SREBF2: variants seen among roughly 807,000 people sequenced by gnomAD.
The protein encoded by SREBF2 is sterol regulatory element-binding protein 2.
A neutral mutation model predicts 113.1 loss-of-function variants in SREBF2; 55 were observed. The observed-to-expected ratio is 0.49, with a 90% CI of 0.39 to 0.61. The LOEUF (loss-of-function observed/expected upper bound fraction) is 0.61, where lower values mean the gene tolerates loss of function less well. SREBF2 is among the 20% of genes least tolerant of loss of function. The pLI is 0.00. For synonymous variants in SREBF2, 593 were observed against 605.7 expected, an observed-to-expected ratio of 0.98 and a Z score of 0.31; for missense variants, 1,349 against 1,487.4, an observed-to-expected ratio of 0.91 and a Z score of 1.53.
chr22:41,854,547 A>G (rs553931892), intron 1 of SREBF2, among the ~76,000 whole-genome samples: 4 of 150,964 alleles, frequency 2.6e-5, no homozygotes, highest in Non-Finnish European at 4.4e-5. Flanking sequence ...CATAGAACAC[A>G]AGACATAAGA....
intron 1 of SREBF2, among the ~76,000 whole-genome samples, chr22:41,846,856 G>C (rs1357302521): frequency 6.6e-6 from 1 of 152,150 alleles, no homozygotes; most frequent in Non-Finnish European, 1.5e-5. Context: ...GCACTTGTCT[G>C]TTCTTGCCCT....
Position 41,878,028 on chromosome 22 carries a change from C to T in SREBF2, c.1666C>T (p.Leu556=). Residue 556 remains leucine (L), a synonymous_variant, in exon 9 of 19, where the codon CTG becomes TTG. Coordinates refer to ENST00000361204, the MANE Select transcript of SREBF2 (RefSeq NM_004599.4). ...GATTGTCCTGAGCGTCTTTGTGAAG[C>T]TGCTGGTTCATGGGGAGCCAGTGAT... The part of the protein sequence containing the change: ...GVIVLSVFVK[L]LVHGEPVIRP... 1 of 1,614,142 alleles carries T rather than the reference C, an allele frequency of 6.2e-7. No homozygotes were observed. Among genetic ancestry groups the T allele is most frequent in the Non-Finnish European group, 8.5e-7 (1 of 1,180,038 alleles).
intron 8 of SREBF2, among the ~76,000 whole-genome samples, 171 bp downstream of exon 8, chr22:41,877,592 C>T (rs979296129): frequency 2.0e-5 from 3 of 152,164 alleles, no homozygotes; most frequent in Non-Finnish European, 2.9e-5. Flanking sequence ...TTAGAAGTAA[C>T]AAGGCAAGCC....
Position 41,833,411 on chromosome 22 carries a change from C to A in SREBF2, c.88+53C>A. ...GGGCCGCGCGGGGAGGAAGGGGTTA[C>A]GGCGGCGCGCCCGGGTGCGCGTGCG... is the stretch of plus-strand genomic sequence containing the variant. On this transcript the variant is annotated intron_variant, in intron 1 of 18. Coordinates refer to ENST00000361204, the MANE Select transcript of SREBF2 (RefSeq NM_004599.4). The surrounding 1 kb of genome is among the most constrained non-coding windows in gnomAD (Gnocchi z 4.1). The A allele has an allele frequency of 6.8e-7, 1 of 1,476,896 alleles. No individual in the cohort carries two copies. The highest frequency in any genetic ancestry group is 2.7e-5 in the East Asian group (1 of 37,468). The allele number at this position is 1,476,896 out of a possible 1,614,324, so 91.5% of individuals were successfully genotyped here.
At chr22:41,851,989 C>T (rs951707398) in intron 1 of SREBF2, among the ~76,000 whole-genome samples, 1 of 151,912 alleles carries the variant, frequency 6.6e-6, no homozygotes, top group East Asian at 2.0e-4. Flanking sequence ...GGCATGGTAG[C>T]GGATGCCTGT....
At chr22:41,903,958 T>G (rs1187187403) in intron 17 of SREBF2, among the ~76,000 whole-genome samples, 1 of 152,190 alleles carries the variant, frequency 6.6e-6, no homozygotes, top group Non-Finnish European at 1.5e-5. Context: ...GAAGAGGGCA[T>G]GTACCCCAGG....
In SREBF2 at chr22:41,878,095, G is replaced by A. The variant is rs751227141; in HGVS notation, c.1733G>A (p.Arg578Gln). The part of the protein sequence containing the change: ...SRSSVTFWRH[R>Q]KQADLDLARG... The stretch of plus-strand genomic sequence containing the variant: ...TCCTCGGTCACCTTCTGGAGGCACC[G>A]GAAACAGGCAGATCTGGATCTCGCC... The change falls in exon 9 of 19, where the codon CGG (arginine) becomes CAG (glutamine). Residue 578 changes from arginine to glutamine, a missense_variant. Coordinates refer to ENST00000361204, the MANE Select transcript of SREBF2 (RefSeq NM_004599.4). 28 of 1,614,014 alleles carry A rather than the reference G, an allele frequency of 1.7e-5. No homozygotes were observed. The highest frequency in any genetic ancestry group is 1.6e-4 in the Middle Eastern group (1 of 6,078).
At chr22:41,876,924 T>C (rs2077202048) in intron 7 of SREBF2, among the ~76,000 whole-genome samples, 1 of 152,226 alleles carries the variant, frequency 6.6e-6, no homozygotes, top group Non-Finnish European at 1.5e-5. Context: ...TGTTCTGGAA[T>C]TATACAGAAA....
At chr22:41,863,504 A>G (rs536149075) in intron 1 of SREBF2, among the ~76,000 whole-genome samples, 2 of 152,352 alleles carry the variant, frequency 1.3e-5, no homozygotes, top group East Asian at 3.9e-4. Flanking sequence ...TTCTTAAAGC[A>G]TTTTATAATC....
Position 41,873,877 on chromosome 22 carries a change from T to C in SREBF2, c.947T>C (p.Val316Ala). The C allele has an allele frequency of 6.2e-7, 1 of 1,613,910 alleles. No homozygotes were observed. Among genetic ancestry groups the C allele is most frequent in the East Asian group, 2.2e-5 (1 of 44,882 alleles). Residue 316 changes from valine (V) to alanine (A), a missense_variant, in exon 5 of 19, where the codon GTA becomes GCA. Around this residue, in one of 2 missense-constraint regions of SREBF2, gnomAD observed 699 missense variants for 843.3 expected, o/e 0.83. Coordinates refer to ENST00000361204, the MANE Select transcript of SREBF2 (RefSeq NM_004599.4). The stretch of plus-strand genomic sequence containing the variant: ...CAAGAGAAAGTGCCCATTAAGCAGG[T>C]ACCTGGGGGAGTCAAGCAGCTTGAG... Reference protein sequence around the residue: ...MGQEKVPIKQVPGGVKQLEPP... With the variant: ...MGQEKVPIKQAPGGVKQLEPP...
chr22:41,866,698 G>A, intron 1 of SREBF2, 133 bp from the exon 2 acceptor site: 2 of 1,045,464 alleles, frequency 1.9e-6, no homozygotes, highest in Non-Finnish European at 3.0e-6. Flanking sequence ...CAAGAAAGAG[G>A]TAAGGGTTTC....
At chr22:41,900,725 G>A (rs2077458679) in intron 16 of SREBF2, among the ~76,000 whole-genome samples, 1 of 152,144 alleles carries the variant, frequency 6.6e-6, no homozygotes, top group South Asian at 2.1e-4. Flanking sequence ...CCTTTCTTAG[G>A]CTCCCAGAGT....
Position 41,900,481 on chromosome 22 carries a change from G to T in SREBF2, c.2890G>T (p.Asp964Tyr). 6.2e-7 allele frequency: 1 copy of T among 1,613,506 alleles called. No homozygotes were observed. The highest frequency in any genetic ancestry group is 1.1e-5 in the South Asian group (1 of 91,072). Reference sequence around the variant, plus strand: ...CCTCAACGTCAGTGGGGCCACCTCTGACCCTGCCCTCAACCACGTGAGTGG... The same window carrying T: ...CCTCAACGTCAGTGGGGCCACCTCTTACCCTGCCCTCAACCACGTGAGTGG... The part of the protein sequence containing the change: ...SSLNVSGATS[D>Y]PALNHVVQLL... The change falls in exon 16 of 19, where the codon GAC (aspartate) becomes TAC (tyrosine). Residue 964 changes from aspartate to tyrosine, a missense_variant. By Grantham distance (160) the Asp-to-Tyr change is radical. Around this residue, in one of 2 missense-constraint regions of SREBF2, gnomAD observed 650 missense variants for 644.1 expected, o/e 1.01. Transcript: ENST00000361204.
At chr22:41,849,697 G>A (rs2076909304) in intron 1 of SREBF2, among the ~76,000 whole-genome samples, 1 of 152,158 alleles carries the variant, frequency 6.6e-6, no homozygotes, top group Non-Finnish European at 1.5e-5. Flanking sequence ...GGTCTCATTT[G>A]AAGAATAATT....
At chr22:41,890,118 C>T (rs2148407523) in intron 11 of SREBF2, among the ~76,000 whole-genome samples, 1 of 152,106 alleles carries the variant, frequency 6.6e-6, no homozygotes, top group East Asian at 1.9e-4. Flanking sequence ...ACTCTGTTGC[C>T]CAGGCTGGAG....
chr22:41,857,555 G>A (rs968135229), intron 1 of SREBF2, among the ~76,000 whole-genome samples: 5 of 152,146 alleles, frequency 3.3e-5, no homozygotes, highest in Non-Finnish European at 7.3e-5. Flanking sequence ...ACACCTTTGT[G>A]TGTATTACAA....
chr22:41,869,862 CTTTTTTT>C (rs139907976), intron 3 of SREBF2, among the ~76,000 whole-genome samples: 11 of 138,330 alleles, frequency 8.0e-5, no homozygotes, highest in Admixed American at 3.6e-4. Context: ...CCTCTTTTTT[CTTTTTTT>C]TTTTTTGAGA....
intron 1 of SREBF2, among the ~76,000 whole-genome samples, chr22:41,852,906 T>A (rs1204456360): frequency 6.6e-6 from 1 of 152,028 alleles, no homozygotes; most frequent in Non-Finnish European, 1.5e-5. Flanking sequence ...TGTGCCACCA[T>A]GCCCAGCTAA....
At chr22:41,886,701 C>G (rs1425168494) in intron 11 of SREBF2, among the ~76,000 whole-genome samples, 1 of 152,116 alleles carries the variant, frequency 6.6e-6, no homozygotes, top group African/African-American at 2.4e-5. Flanking sequence ...GTCTATTGTT[C>G]ATCATTTCAG....
Sources: allele counts gnomAD v4.1 joint callset (sites outside exome capture counted in the v4.1 genomes callset), GRCh38; gene constraint gnomAD v4.1.1; regional missense constraint gnomAD v4.1.1; non-coding constraint Gnocchi (gnomAD v3.1); transcripts MANE v1.5; gene names NCBI Gene and HGNC (gene_info 2026-07-23, HGNC 2026-07-21).